Variants in NAT10 observed in about 807,000 individuals in gnomAD.
The protein encoded by NAT10 is RNA cytidine acetyltransferase.
Under a neutral mutation model 132.2 loss-of-function variants are expected in NAT10, and 109 were observed. That is an observed-to-expected ratio of 0.82 (90% CI 0.71 to 0.97). The LOEUF (loss-of-function observed/expected upper bound fraction) is 0.97, where lower values mean the gene tolerates loss of function less well. Among genes scored for constraint, NAT10 ranks in the 50% least tolerant of loss-of-function variants. The pLI, the probability that NAT10 is intolerant of heterozygous loss-of-function variation, is 0.00. For synonymous variants in NAT10, 479 were observed against 478.0 expected (o/e 1.00, Z -0.03); for missense variants, 1,184 against 1,263.4 (o/e 0.94, Z 0.95).
At chr11:34,140,599 G>T in intron 24 of NAT10, 27 bp downstream of exon 24, 1 of 1,604,490 alleles carries the variant, frequency 6.2e-7, no homozygotes, top group Non-Finnish European at 8.5e-7. Context: ...TTGCGTGGAG[G>T]AGAAGCGAGG....
rs921205686 is a variant in NAT10 at position 34,141,140 on chromosome 11, A to G, written c.2644A>G (p.Lys882Glu). 4 of 1,613,944 alleles carry G rather than the reference A, an allele frequency of 2.5e-6. No homozygotes were observed. The African/African-American group carries it at 5.3e-5, about 22-fold the overall frequency. Residue 882 changes from lysine (K) to glutamate (E), a missense_variant, in exon 25 of 29, where the codon AAG becomes GAG. By Grantham distance (56) the Lys-to-Glu change is moderately conservative. Coordinates refer to ENST00000257829, the MANE Select transcript of NAT10 (RefSeq NM_024662.3). ...GCATAAGTCTGTGGACCAGCTGGAA[A>G]AGGAGATTGAGCTGCCCTCGGGCCA... ...LQHKSVDQLE[K>E]EIELPSGQLM... is the part of the protein sequence containing the mutation.
chr11:34,141,185 C>T lies in NAT10; in HGVS notation c.2689C>T (p.Arg897Trp), dbSNP rs1852321416. The stretch of plus-strand genomic sequence containing the variant: ...GGGCCAGTTGATGGGACTTTTCAAC[C>T]GGATCATCCGCAAAGTTGTGAAGGT... ...PSGQLMGLFN[R>W]IIRKVVKLFN... Residue 897 changes from arginine (R) to tryptophan (W), a missense_variant, in exon 25 of 29, where the codon CGG becomes TGG. Transcript: ENST00000257829. 6 of 1,613,924 alleles carry T rather than the reference C, an allele frequency of 3.7e-6. No individual in the cohort carries two copies. The highest frequency in any genetic ancestry group is 5.1e-6 in the Non-Finnish European group (6 of 1,179,994).
chr11:34,113,924 G>T, intron 5 of NAT10, 86 bp downstream of exon 5: 3 of 1,529,898 alleles, frequency 2.0e-6, no homozygotes, highest in Middle Eastern at 1.9e-4. Context: ...AATTCCTGTT[G>T]GGCAGCTCCA....
rs751443602 is a variant in NAT10 at position 34,118,378 on chromosome 11, T to A, written c.673-18T>A. The A allele has an allele frequency of 6.2e-7, 1 of 1,612,864 alleles. No homozygotes were observed. Among genetic ancestry groups the A allele is most frequent in the Non-Finnish European group, 8.5e-7 (1 of 1,178,908 alleles). ...CCTGTGACAGTGACAGACCTTCCCC[T>A]TCTCCTCTCTCTGGTAGGATGAGAG... On this transcript the variant is annotated intron_variant, in intron 7 of 28. Coordinates refer to ENST00000257829, the MANE Select transcript of NAT10 (RefSeq NM_024662.3).
chr11:34,129,905 G>A (rs946750420), intron 12 of NAT10, among the ~76,000 whole-genome samples: 3 of 152,002 alleles, frequency 2.0e-5, no homozygotes, highest in East Asian at 1.9e-4. Flanking sequence ...CACCATGCCC[G>A]GCCACTTTCT....
In NAT10 at chr11:34,136,960, G is replaced by C; in HGVS notation, c.2163-18G>C. ...CAGAGGCCACACACAGTGACCTACT[G>C]TCTTTGTATCTTTGCAGGTTCTGGA... On this transcript the variant is annotated intron_variant, in intron 20 of 28. Coordinates refer to ENST00000257829, the MANE Select transcript of NAT10 (RefSeq NM_024662.3). The C allele has an allele frequency of 6.2e-7, 1 of 1,614,190 alleles. No individual in the cohort carries two copies. Among genetic ancestry groups the C allele is most frequent in the East Asian group, 2.2e-5 (1 of 44,882 alleles).
At chr11:34,138,140 A>G (rs1477961714) in intron 21 of NAT10, among the ~76,000 whole-genome samples, 1 of 152,150 alleles carries the variant, frequency 6.6e-6, no homozygotes, top group African/African-American at 2.4e-5. Flanking sequence ...AATTAGTGGT[A>G]TGGGTGAGGG....
intron 23 of NAT10, 70 bp from the exon 24 acceptor site, chr11:34,140,330 T>C (rs1852298133): frequency 6.8e-7 from 1 of 1,460,658 alleles, no homozygotes; most frequent in East Asian, 2.3e-5. Context: ...GGGTGCCGCC[T>C]GGGGGCTGTG....
At chr11:34,108,175 A>G in intron 1 of NAT10, 36 bp from the exon 2 acceptor site, 1 of 1,334,344 alleles carries the variant, frequency 7.5e-7, no homozygotes, top group Non-Finnish European at 1.1e-6. Flanking sequence ...TAGACAATCT[A>G]GTGCGCATGG....
intron 5 of NAT10, 41 bp downstream of exon 5, chr11:34,113,879 A>G (rs1465999272): frequency 6.2e-7 from 1 of 1,607,658 alleles, no homozygotes; most frequent in Non-Finnish European, 8.5e-7. Context: ...GGGTTCAAGT[A>G]AATCTGTTTT....
intron 12 of NAT10, among the ~76,000 whole-genome samples, chr11:34,129,245 C>G (rs775629147): frequency 6.6e-6 from 1 of 152,202 alleles, no homozygotes; most frequent in Non-Finnish European, 1.5e-5. Flanking sequence ...ATTCTACGTT[C>G]CCACCAGCAG....
chr11:34,106,555 C>G (rs1337606076), intron 1 of NAT10, among the ~76,000 whole-genome samples: 1 of 152,130 alleles, frequency 6.6e-6, no homozygotes, highest in Non-Finnish European at 1.5e-5. Context: ...CCCACAGTAG[C>G]TAGAGCAAAA....
intron 4 of NAT10, among the ~76,000 whole-genome samples, chr11:34,113,346 T>G (rs1314948420): frequency 6.6e-6 from 1 of 150,782 alleles, no homozygotes; most frequent in Non-Finnish European, 1.5e-5. Flanking sequence ...AAGAGACCCG[T>G]TTTTGGCATA....
At chr11:34,112,695 C>A (rs1036846332) in intron 4 of NAT10, among the ~76,000 whole-genome samples, 1 of 152,200 alleles carries the variant, frequency 6.6e-6, no homozygotes, top group East Asian at 1.9e-4. Context: ...CCCTTAAAAA[C>A]CCCTCACTTT....
chr11:34,123,636 T>G (rs2132952130), intron 9 of NAT10, 126 bp from the exon 10 acceptor site: 1 of 664,144 alleles, frequency 1.5e-6, no homozygotes, highest in Non-Finnish European at 2.5e-6. Flanking sequence ...TCCTGACTTT[T>G]TCCCTTGCTG....
At position 34,118,518 on chromosome 11, in the gene NAT10, C is replaced by G. The variant is rs747304286; in HGVS notation, c.780+15C>G. ...CTCTAGACCAGGTGAGTGTGGTGCT[C>G]AGCACTTCCAACACAAAGGTAGTAA... is the stretch of plus-strand genomic sequence containing the variant. On this transcript the variant is annotated intron_variant, in intron 8 of 28. Transcript: ENST00000257829. 1.3e-6 allele frequency: 2 copies of G among 1,598,322 alleles called. No individual in the cohort carries two copies. The highest frequency in any genetic ancestry group is 1.1e-5 in the South Asian group (1 of 89,760).
chr11:34,131,064 C>T (rs2132964601), intron 13 of NAT10, 127 bp downstream of exon 13: 1 of 1,401,436 alleles, frequency 7.1e-7, no homozygotes, highest in Non-Finnish European at 9.7e-7. Flanking sequence ...GAGGTTGAGT[C>T]CCCAAGAGGA....
Position 34,136,951 on chromosome 11 carries a change from T to C in NAT10, c.2163-27T>C, listed in dbSNP as rs1394420795. 3 of 1,614,164 alleles carry C rather than the reference T, an allele frequency of 1.9e-6. No homozygotes were observed. The South Asian group carries it at 3.3e-5, about 18-fold the overall frequency. On this transcript the variant is annotated intron_variant, in intron 20 of 28. Transcript: ENST00000257829. ...GCCACTCCCCAGAGGCCACACACAGTGACCTACTGTCTTTGTATCTTTGCA... is the reference window on the plus strand; with the variant it reads ...GCCACTCCCCAGAGGCCACACACAGCGACCTACTGTCTTTGTATCTTTGCA...
chr11:34,129,269 AC>A (rs1852056556), intron 12 of NAT10, among the ~76,000 whole-genome samples: 1 of 152,166 alleles, frequency 6.6e-6, no homozygotes, highest in Non-Finnish European at 1.5e-5. Context: ...GAGGGTTCTG[AC>A]TTTTCTGTAT....
Sources: allele counts gnomAD v4.1 joint callset (sites outside exome capture counted in the v4.1 genomes callset), GRCh38; gene constraint gnomAD v4.1.1; transcripts MANE v1.5; gene names NCBI Gene and HGNC (gene_info 2026-07-23, HGNC 2026-07-21).